LARGE1: variants seen among roughly 807,000 people sequenced by gnomAD.
The protein encoded by LARGE1 is xylosyl- and glucuronyltransferase LARGE1.
Under a neutral mutation model 87.6 loss-of-function variants are expected in LARGE1, and 43 were observed. The observed-to-expected ratio is 0.49, with a 90% CI of 0.38 to 0.63. The LOEUF (loss-of-function observed/expected upper bound fraction) is 0.63. Among genes scored for constraint, LARGE1 ranks in the 30% least tolerant of loss-of-function variants. The pLI, the probability that LARGE1 is intolerant of heterozygous loss-of-function variation, is 0.00. For synonymous variants in LARGE1, 434 were observed against 394.6 expected (o/e 1.10, Z -1.18); for missense variants, 802 against 1,000.2 (o/e 0.80, Z 2.67).
At chr22:33,296,573 T>TC (rs905125976) in intron 12 of LARGE1, among the ~76,000 whole-genome samples, 39 of 150,324 alleles carry the variant, frequency 2.6e-4, no homozygotes, top group African/African-American at 9.3e-4. Context: ...TCTTTTCTTT[T>TC]TTTTTTTTTT....
chr22:33,601,726 G>C (rs9609843), intron 5 of LARGE1, among the ~76,000 whole-genome samples: 161 of 151,942 alleles, frequency 1.1e-3, no homozygotes, highest in Non-Finnish European at 1.9e-3. Context: ...TGAAGTCTTC[G>C]ATAGTAGACA....
chr22:33,613,266 A>C (rs1372714785), intron 4 of LARGE1, among the ~76,000 whole-genome samples: 1 of 152,220 alleles, frequency 6.6e-6, no homozygotes, highest in African/African-American at 2.4e-5. Flanking sequence ...ATTTGGGCCC[A>C]GACTGCAGTT....
intron 11 of LARGE1, among the ~76,000 whole-genome samples, chr22:33,183,620 G>GCACGCACACACACACA (rs1555880674): frequency 1.7e-4 from 24 of 137,920 alleles, no homozygotes; most frequent in African/African-American, 7.0e-4. Flanking sequence ...ACACACACAC[G>GCACGCACACACACACA]CACACACACA....
chr22:33,256,936 T>C (rs909077636), intron 11 of LARGE1, among the ~76,000 whole-genome samples: 1 of 152,244 alleles, frequency 6.6e-6, no homozygotes, highest in Non-Finnish European at 1.5e-5. Flanking sequence ...CCGGCTGTGC[T>C]GGCTCAAGCC....
At chr22:33,528,431 C>T (rs779888536) in intron 6 of LARGE1, among the ~76,000 whole-genome samples, 23 of 152,160 alleles carry the variant, frequency 1.5e-4, no homozygotes, top group Non-Finnish European at 2.4e-4. Context: ...AAAGGAGACA[C>T]GTGCCCATGA....
chr22:33,398,947 C>T (rs1046773511), intron 7 of LARGE1, among the ~76,000 whole-genome samples: 1 of 152,268 alleles, frequency 6.6e-6, no homozygotes, highest in East Asian at 1.9e-4. Context: ...GACTTCTAGC[C>T]TCCAGGACTG....
intron 2 of LARGE1, among the ~76,000 whole-genome samples, chr22:33,752,763 G>T (rs894988255): frequency 9.2e-5 from 14 of 152,206 alleles, no homozygotes; most frequent in African/African-American, 3.4e-4. Context: ...TGGGAAAGTG[G>T]TATGGAAGGC....
At chr22:33,463,460 CAAAT>C (rs2068460686) in intron 6 of LARGE1, among the ~76,000 whole-genome samples, 1 of 152,022 alleles carries the variant, frequency 6.6e-6, no homozygotes, top group Non-Finnish European at 1.5e-5. Flanking sequence ...TATTAAAGAA[CAAAT>C]AAAATAATAA....
At chr22:33,573,387 C>T (rs1023435066) in intron 5 of LARGE1, among the ~76,000 whole-genome samples, 14 of 151,998 alleles carry the variant, frequency 9.2e-5, no homozygotes, top group African/African-American at 2.4e-4. Flanking sequence ...TGCAGTGAGC[C>T]GAGATCGAGC....
intron 1 of LARGE1, among the ~76,000 whole-genome samples, chr22:33,864,566 T>C (rs1448013867): frequency 6.6e-6 from 1 of 152,154 alleles, no homozygotes; most frequent in Non-Finnish European, 1.5e-5. Context: ...TGTAAGCTCC[T>C]TGAGGGTAGG....
intron 1 of LARGE1, among the ~76,000 whole-genome samples, chr22:33,773,968 T>C (rs970094616): frequency 1.3e-5 from 2 of 151,950 alleles, no homozygotes. Context: ...CCACAAATCA[T>C]GTGTGAGGTG....
At chr22:33,140,630 G>A in the LARGE1 span, among the ~76,000 whole-genome samples, 1 of 152,178 alleles carries the variant, frequency 6.6e-6, no homozygotes, top group Non-Finnish European at 1.5e-5. Context: ...TCTCTCCCAT[G>A]CTGGATGCTT....
intron 14 of LARGE1, among the ~76,000 whole-genome samples, chr22:33,275,022 C>T (rs895728931): frequency 6.6e-6 from 1 of 152,146 alleles, no homozygotes; most frequent in Non-Finnish European, 1.5e-5. Context: ...TTCTCTTGCT[C>T]GATTAACTGA....
At chr22:33,634,691 A>C (rs191601633) in intron 3 of LARGE1, among the ~76,000 whole-genome samples, 29 of 151,590 alleles carry the variant, frequency 1.9e-4, no homozygotes, top group South Asian at 4.2e-4. Context: ...AATAATAATA[A>C]TAATAATAAT....
At chr22:33,248,863 C>T (rs117442475) in intron 11 of LARGE1, among the ~76,000 whole-genome samples, 1 of 152,308 alleles carries the variant, frequency 6.6e-6, no homozygotes, top group Non-Finnish European at 1.5e-5. Context: ...TAAGGTTCCT[C>T]CGTGCCTTTT....
At chr22:33,192,997 G>A (rs1422794280) in intron 11 of LARGE1, among the ~76,000 whole-genome samples, 1 of 106,786 alleles carries the variant, frequency 9.4e-6, no homozygotes, top group African/African-American at 4.0e-5. Context: ...TTTTGAAGTT[G>A]CATTTTAATT....
chr22:33,749,925 G>A (rs2084249823), intron 2 of LARGE1, among the ~76,000 whole-genome samples: 1 of 152,176 alleles, frequency 6.6e-6, no homozygotes, highest in South Asian at 2.1e-4. Context: ...TTTTAGACAA[G>A]GACAGGCTCC....
chr22:33,582,476 C>CA (rs2078549732), intron 5 of LARGE1, among the ~76,000 whole-genome samples: 3 of 151,786 alleles, frequency 2.0e-5, no homozygotes, highest in African/African-American at 7.3e-5. Flanking sequence ...TTAACCACTA[C>CA]ATATAAGAGA....
chr22:33,246,747 C>T (rs146451038), intron 11 of LARGE1, among the ~76,000 whole-genome samples: 5 of 152,240 alleles, frequency 3.3e-5, no homozygotes, highest in East Asian at 1.9e-4. Context: ...CACTGATAGG[C>T]GGAGTATGAA....
Sources: gnomAD v4.1 joint callset for allele counts (sites outside exome capture counted in the v4.1 genomes callset) on GRCh38, gnomAD v4.1.1 for gene constraint, MANE v1.5 for transcripts, NCBI Gene and HGNC (gene_info 2026-07-23, HGNC 2026-07-21) for gene names.